The following ELL2 variants were observed in gnomAD, a reference collection of about 807,000 sequenced individuals.
ELL2 encodes RNA polymerase II elongation factor ELL2.
In ELL2, 21 loss-of-function variants were observed where a neutral mutation model predicts 72.8. The observed-to-expected ratio is 0.29, with a 90% CI of 0.20 to 0.42. The LOEUF is 0.42. Among genes scored for constraint, ELL2 ranks in the 10% least tolerant of loss-of-function variants. The pLI is 1.00. For synonymous variants in ELL2, 266 were observed against 283.2 expected (o/e 0.94, Z 0.61); for missense variants, 568 against 772.8 (o/e 0.73, Z 3.14).
At chr5:95,907,292 A>ATTTTTTTTTTTTTTTTT (rs895711670) in intron 4 of ELL2, among the ~76,000 whole-genome samples, 3 of 76,042 alleles carry the variant, frequency 3.9e-5, no homozygotes, top group African/African-American at 2.2e-4. Context: ...ATATATATAT[A>ATTTTTTTTTTTTTTTTT]TATATTTTTT....
At chr5:95,960,681 G>C (rs1444676437) in intron 1 of ELL2, among the ~76,000 whole-genome samples, 2 of 151,960 alleles carry the variant, frequency 1.3e-5, no homozygotes, top group African/African-American at 4.8e-5. Context: ...GAGCTTTTTC[G>C]GGTACGTTGA....
At chr5:95,906,809 T>C in intron 4 of ELL2, 27 bp from the exon 5 acceptor site, 1 of 1,587,290 alleles carries the variant, frequency 6.3e-7, no homozygotes, top group Admixed American at 1.8e-5. Context: ...ATGACATTGT[T>C]ACACATTTGT....
intron 2 of ELL2, among the ~76,000 whole-genome samples, chr5:95,927,400 T>G (rs566860408): frequency 3.4e-5 from 1 of 29,462 alleles, no homozygotes. Flanking sequence ...TATATAGACA[T>G]ACACACACGT....
chr5:95,890,154 G>GA (rs961198339), intron 10 of ELL2, among the ~76,000 whole-genome samples: 186 of 151,266 alleles, frequency 1.2e-3, no homozygotes, highest in African/African-American at 4.1e-3. Context: ...TGACTATATA[G>GA]AAAAAAAAAT....
chr5:95,927,428 CACACACGT>C lies in ELL2; in HGVS notation c.196-7891_196-7884del, dbSNP rs1750356296. Among the ~76,000 whole-genome samples the C allele has an allele frequency of 5.9e-5, 3 of 51,260 alleles. 1 individual carries two copies. Among genetic ancestry groups the C allele is most frequent in the African/African-American group, 1.5e-4 (1 of 6,644 alleles). The allele number at this position is 51,260 out of a possible 152,430, so 33.6% of individuals were successfully genotyped here. On this transcript the variant is annotated intron_variant, in intron 2 of 11. Transcript: ENST00000237853. ...ACACACGTGTGTATATAGACATACA[CACACACGT>C]GTGTATATAGACATACACACACACG...
chr5:95,956,335 C>T (rs571890119), intron 1 of ELL2, among the ~76,000 whole-genome samples: 1 of 152,182 alleles, frequency 6.6e-6, no homozygotes, highest in Non-Finnish European at 1.5e-5. Context: ...CTTGACTTTA[C>T]TTGATAAAAA....
rs1749692882 is a variant in ELL2 at position 95,913,896 on chromosome 5, T to C, written c.356A>G (p.Gln119Arg). 2 of 1,612,258 alleles carry C rather than the reference T, an allele frequency of 1.2e-6. No individual in the cohort carries two copies. The highest frequency in any genetic ancestry group is 1.7e-6 in the Non-Finnish European group (2 of 1,179,344). Residue 119 changes from glutamine to arginine, a missense_variant, in exon 4 of 12, where the codon CAA becomes CGA. Physicochemically the swap from Gln to Arg is conservative, Grantham distance 43. This residue lies in a region of ELL2 where 511 missense variants were observed against 728.4 expected (regional missense o/e 0.70). Coordinates refer to ENST00000237853, the MANE Select transcript of ELL2 (RefSeq NM_012081.6). ...ASQLNCLGFI[Q>R]DKITVCATND... ...TGTTGCACACACTGTAATTTTATCTTGTATAAATCCCAGGCAATTGAGCTG... is the reference window on the plus strand; with the variant it reads ...TGTTGCACACACTGTAATTTTATCTCGTATAAATCCCAGGCAATTGAGCTG...
intron 9 of ELL2, among the ~76,000 whole-genome samples, chr5:95,892,525 CTG>C (rs1235795586): frequency 6.6e-6 from 1 of 152,180 alleles, no homozygotes; most frequent in Non-Finnish European, 1.5e-5. Flanking sequence ...TCTTTGCACT[CTG>C]TGTTCCTATC....
At chr5:95,905,028 T>C (rs764429877) in intron 5 of ELL2, among the ~76,000 whole-genome samples, 12 of 152,096 alleles carry the variant, frequency 7.9e-5, no homozygotes, top group Non-Finnish European at 8.8e-5. Context: ...TAGGGCCATA[T>C]AGAATATGAG....
Position 95,899,378 on chromosome 5 carries a change from GTCTT to G in ELL2, c.955-572_955-569del, listed in dbSNP as rs1749038189. ...TTGGCTGTCATTTATCATTCCACCT[GTCTT>G]AGAGTGGGAACAGCCAGCACTTTCA... is the stretch of plus-strand genomic sequence containing the variant. On this transcript the variant is annotated intron_variant, in intron 7 of 11. Transcript: ENST00000237853. Among the ~76,000 whole-genome samples the G allele has an allele frequency of 2.0e-5, 3 of 152,108 alleles. No homozygotes were observed. The South Asian group carries it at 6.3e-4, about 32-fold the overall frequency.
chr5:95,901,619 C>T (rs922757660), intron 5 of ELL2, among the ~76,000 whole-genome samples: 3 of 152,184 alleles, frequency 2.0e-5, no homozygotes, highest in Admixed American at 6.5e-5. Flanking sequence ...ACTACTCTTG[C>T]GCTTTGGGGC....
At chr5:95,948,173 A>G (rs1751237173) in intron 1 of ELL2, among the ~76,000 whole-genome samples, 1 of 152,174 alleles carries the variant, frequency 6.6e-6, no homozygotes, top group African/African-American at 2.4e-5. Flanking sequence ...GTGGTTGCTC[A>G]CGCCTGTAAT....
At chr5:95,915,530 A>G (rs1749758478) in intron 3 of ELL2, among the ~76,000 whole-genome samples, 1 of 152,262 alleles carries the variant, frequency 6.6e-6, no homozygotes, top group African/African-American at 2.4e-5. Context: ...CAATGTGTGA[A>G]GCAGAGAGGT....
At chr5:95,950,913 T>C (rs1435262213) in intron 1 of ELL2, among the ~76,000 whole-genome samples, 4,006 of 48,246 alleles carry the variant, frequency 0.083, 243 homozygotes, top group East Asian at 0.3. Context: ...TGTATATATA[T>C]ATATATATAT....
chr5:95,936,946 G>A (rs1750797788), intron 2 of ELL2, among the ~76,000 whole-genome samples: 1 of 152,126 alleles, frequency 6.6e-6, no homozygotes, highest in Non-Finnish European at 1.5e-5. Context: ...ATACAAATGG[G>A]CTATTTTACC....
chr5:95,897,621 T>C (rs1159806680), intron 8 of ELL2, among the ~76,000 whole-genome samples: 1 of 152,242 alleles, frequency 6.6e-6, no homozygotes, highest in Non-Finnish European at 1.5e-5. Flanking sequence ...CAATTGATGT[T>C]AGTTCACTAA....
intron 1 of ELL2, among the ~76,000 whole-genome samples, chr5:95,946,514 A>T (rs890991488): frequency 6.6e-6 from 1 of 152,210 alleles, no homozygotes; most frequent in Non-Finnish European, 1.5e-5. Context: ...AAATTGTTCA[A>T]ATAGCCAGCA....
rs922002661 is a variant in ELL2, at chr5:95,907,291, T to C, written c.482-509A>G. ...CATCCGTTAGTGATATATATATATATATATATTTTTTTTTTTTACAGGCCA... is the reference window on the plus strand; with the variant it reads ...CATCCGTTAGTGATATATATATATACATATATTTTTTTTTTTTACAGGCCA... On this transcript the variant is annotated intron_variant, in intron 4 of 11. Coordinates refer to ENST00000237853, the MANE Select transcript of ELL2 (RefSeq NM_012081.6). Among the ~76,000 whole-genome samples, 4 of 130,420 alleles carry C rather than the reference T, an allele frequency of 3.1e-5. No homozygotes were observed. In the Admixed American group the frequency reaches 3.1e-4, roughly 10 times the overall value. 85.6% of individuals were successfully genotyped at this position (130,420 alleles called of 152,430 possible). A position where few individuals can be genotyped will look rare whatever the true frequency, so the allele number is the denominator to read the frequency against.
At chr5:95,907,292 A>ATTTTTTTTTTTT (rs895711670) in intron 4 of ELL2, among the ~76,000 whole-genome samples, 22 of 76,038 alleles carry the variant, frequency 2.9e-4, no homozygotes, top group Admixed American at 1.1e-3. Context: ...ATATATATAT[A>ATTTTTTTTTTTT]TATATTTTTT....
Sources: gnomAD v4.1 joint callset for allele counts (sites outside exome capture counted in the v4.1 genomes callset) on GRCh38, gnomAD v4.1.1 for gene constraint, gnomAD v4.1.1 regional missense constraint, MANE v1.5 for transcripts, NCBI Gene and HGNC (gene_info 2026-07-23, HGNC 2026-07-21) for gene names.